SLC2A9: variants seen among roughly 807,000 people sequenced by gnomAD.
The protein encoded by SLC2A9 is solute carrier family 2, facilitated glucose transporter member 9.
SLC2A9 carries 39 observed loss-of-function variants against 50.6 expected under a neutral mutation model. That is an observed-to-expected ratio of 0.77 (90% confidence interval 0.60 to 1.01). SLC2A9 has a LOEUF of 1.01. SLC2A9 is among the 50% of genes least tolerant of loss of function. SLC2A9 has a pLI of 0.00. For synonymous variants in SLC2A9, 324 were observed against 276.9 expected, an observed-to-expected ratio of 1.17 and a Z score of -1.69; for missense variants, 686 against 677.6, an observed-to-expected ratio of 1.01 and a Z score of -0.14.
intron 10 of SLC2A9, among the ~76,000 whole-genome samples, chr4:9,878,420 GGAATCAATCAT>G (rs58270192): frequency 0.41 from 61,841 of 151,730 alleles, 16,008 homozygotes; most frequent in Non-Finnish European, 0.59. Flanking sequence ...GGCCAGTGAT[GGAATCAATCAT>G]GCCTATATAA....
At chr4:10,026,797 A>C (rs575457489) in intron 1 of SLC2A9, among the ~76,000 whole-genome samples, 1 of 152,354 alleles carries the variant, frequency 6.6e-6, no homozygotes, top group East Asian at 1.9e-4. Context: ...TAATCCCAGC[A>C]CGTGGGGAGG....
intron 10 of SLC2A9, among the ~76,000 whole-genome samples, chr4:9,873,148 G>A (rs1280787202): frequency 1.3e-5 from 2 of 152,292 alleles, no homozygotes; most frequent in East Asian, 3.9e-4. Flanking sequence ...TGGGGACCCT[G>A]ACCCATGACT....
chr4:9,802,700 A>G (rs989858649), intron 3 of SLC2A9, among the ~76,000 whole-genome samples: 18 of 151,608 alleles, frequency 1.2e-4, no homozygotes, highest in African/African-American at 4.1e-4. Flanking sequence ...CTGAGATTAC[A>G]GGTGCCCACC....
rs189350135 is a variant in SLC2A9, at chr4:9,772,705, C to G, written n.182-1336G>C. On this transcript the variant is annotated intron_variant and non_coding_transcript_variant, in intron 1 of 1. Transcript: ENST00000508585. ...GACCCTGGGGCTGTGTGTTATGTAG[C>G]ATTGCTGTAAAAAAAACTTGACCAA... 1.1e-3 allele frequency among the ~76,000 whole-genome samples: 160 copies of G among 152,012 alleles called. 1 individual carries two copies. Among genetic ancestry groups the G allele is most frequent in the Middle Eastern group, 3.4e-3 (1 of 294 alleles).
intron 10 of SLC2A9, among the ~76,000 whole-genome samples, chr4:9,878,469 A>G (rs1734647208): frequency 6.6e-6 from 1 of 152,050 alleles, no homozygotes; most frequent in African/African-American, 2.4e-5. Context: ...CGTCTAAATG[A>G]TGGGGTTGAG....
At chr4:10,016,257 G>A (rs1285916694) in intron 2 of SLC2A9, among the ~76,000 whole-genome samples, 1 of 152,222 alleles carries the variant, frequency 6.6e-6, no homozygotes, top group African/African-American at 2.4e-5. Context: ...CTGAAAATGT[G>A]TCTGATGCCT....
intron 5 of SLC2A9, among the ~76,000 whole-genome samples, chr4:9,956,600 A>G (rs1411287783): frequency 1.3e-5 from 2 of 152,242 alleles, no homozygotes; most frequent in African/African-American, 4.8e-5. Flanking sequence ...CGGCGTTCAC[A>G]TAGAGGCTGG....
At chr4:9,938,923 A>G (rs1226389812) in intron 6 of SLC2A9, among the ~76,000 whole-genome samples, 3 of 152,082 alleles carry the variant, frequency 2.0e-5, no homozygotes, top group African/African-American at 7.2e-5. Context: ...GTGGGGATGG[A>G]GTGGGGATAG....
At chr4:9,830,666 T>C (rs1242609921) in intron 11 of SLC2A9, among the ~76,000 whole-genome samples, 1 of 152,232 alleles carries the variant, frequency 6.6e-6, no homozygotes, top group African/African-American at 2.4e-5. Context: ...GAGCTCAAAC[T>C]GCATTTTATA....
At chr4:9,851,292 G>A (rs975264118) in intron 10 of SLC2A9, among the ~76,000 whole-genome samples, 7 of 152,220 alleles carry the variant, frequency 4.6e-5, no homozygotes, top group African/African-American at 1.7e-4. Context: ...GCCAGAGCAT[G>A]AAACCCAGGA....
At chr4:9,955,494 C>CAAA (rs71181004) in intron 5 of SLC2A9, among the ~76,000 whole-genome samples, 6 of 23,668 alleles carry the variant, frequency 2.5e-4, no homozygotes, top group Non-Finnish European at 3.5e-4. Flanking sequence ...GACTCCGTCT[C>CAAA]AAAAAAAAAA....
At chr4:9,937,699 C>T (rs1747337826) in intron 6 of SLC2A9, among the ~76,000 whole-genome samples, 2 of 152,196 alleles carry the variant, frequency 1.3e-5, no homozygotes, top group Non-Finnish European at 2.9e-5. Context: ...CAGCCATCTC[C>T]AGATGGGTAT....
At chr4:9,939,489 G>T (rs1339191246) in intron 6 of SLC2A9, among the ~76,000 whole-genome samples, 2 of 152,158 alleles carry the variant, frequency 1.3e-5, no homozygotes, top group Non-Finnish European at 2.9e-5. Flanking sequence ...GTAATAAAGT[G>T]CATTTTGTTT....
chr4:9,955,336 C>CA lies in SLC2A9; in HGVS notation c.682-13292dup, dbSNP rs554846775. ...TGAAACCCCGTCTCTACTAAAAATACAAAAAAAAATTAGCCGGGCGTGATG... is the reference window on the plus strand; with the variant it reads ...TGAAACCCCGTCTCTACTAAAAATACAAAAAAAAAATTAGCCGGGCGTGATG... On this transcript the variant is annotated intron_variant, in intron 5 of 11. Transcript: ENST00000264784. 1.0e-3 allele frequency among the ~76,000 whole-genome samples: 101 copies of CA among 101,368 alleles called. 12 individuals carry two copies. In the South Asian group the frequency reaches 0.025, roughly 25 times the overall value. The allele number at this position is 101,368 out of a possible 152,430, so 66.5% of individuals were successfully genotyped here. A position where few individuals can be genotyped will look rare whatever the true frequency, so the allele number is the denominator to read the frequency against.
chr4:9,879,989 C>T (rs1375472103), intron 10 of SLC2A9: 2 of 985,324 alleles, frequency 2.0e-6, no homozygotes, highest in East Asian at 1.1e-4. Flanking sequence ...CAGAAGCTGC[C>T]TCAGGCGGCC....
intron 5 of SLC2A9, among the ~76,000 whole-genome samples, chr4:9,957,444 G>A (rs561341703): frequency 1.3e-5 from 2 of 152,266 alleles, no homozygotes; most frequent in Admixed American, 6.5e-5. Flanking sequence ...ATATGAATGG[G>A]AGAACCACAC....
rs2110231855 is a variant in SLC2A9, at chr4:9,937,794, G to A, written c.814+4119C>T. ...TGATCACCCCGTGGCCTCCTTCCTG[G>A]GTTCTGCGTTGGTTGTTGGTGGGTG... On this transcript the variant is annotated intron_variant, in intron 6 of 11. Coordinates refer to ENST00000264784, the MANE Select transcript of SLC2A9 (RefSeq NM_020041.3). 2.0e-5 allele frequency among the ~76,000 whole-genome samples: 3 copies of A among 152,330 alleles called. No homozygotes were observed. In the South Asian group the frequency reaches 6.2e-4, roughly 32 times the overall value.
At chr4:9,914,974 C>G (rs1256897210) in intron 7 of SLC2A9, among the ~76,000 whole-genome samples, 1 of 152,220 alleles carries the variant, frequency 6.6e-6, no homozygotes, top group East Asian at 1.9e-4. Context: ...AGTCTTGCTT[C>G]TCATCTTACG....
At chr4:9,786,293 T>C (rs1577275781) in intron 3 of SLC2A9, among the ~76,000 whole-genome samples, 1 of 152,176 alleles carries the variant, frequency 6.6e-6, no homozygotes, top group Non-Finnish European at 1.5e-5. Flanking sequence ...ATAACCAGCC[T>C]GTGGTCACAG....
Sources: gnomAD v4.1 joint callset for allele counts (sites outside exome capture counted in the v4.1 genomes callset) on GRCh38, gnomAD v4.1.1 for gene constraint, MANE v1.5 for transcripts, NCBI Gene and HGNC (gene_info 2026-07-23, HGNC 2026-07-21) for gene names.